Variants in CDH23 observed in about 807,000 individuals in gnomAD.
The protein encoded by CDH23 is cadherin related 23, also known as cadherin-23.
Under a neutral mutation model 317.1 loss-of-function variants are expected in CDH23, and 189 were observed. That is an observed-to-expected ratio of 0.60 (90% CI 0.53 to 0.67). The LOEUF is 0.67. CDH23 is among the 30% of genes least tolerant of loss of function. The pLI, the probability that CDH23 is intolerant of heterozygous loss-of-function variation, is 0.00. For missense variants in CDH23, 4,401 were observed against 4,592.4 expected, an observed-to-expected ratio of 0.96 and a Z score of 1.20; for synonymous variants, 1,839 against 1,876.8, an observed-to-expected ratio of 0.98 and a Z score of 0.52.
intron 9 of CDH23, among the ~76,000 whole-genome samples, chr10:71,597,033 G>A (rs1859896634): frequency 6.6e-6 from 1 of 152,208 alleles, no homozygotes; most frequent in South Asian, 2.1e-4. Context: ...GATTTATGGA[G>A]GTCGCCTCTG....
rs537312998 is a variant in CDH23, at chr10:71,799,342, A to T, written c.7224+62A>T. ...CGCCCATTCCTTGGGGTCTTTGGGCATCTTCCTCTCCCACCCTGCCAGCCT... is the reference window on the plus strand; with the variant it reads ...CGCCCATTCCTTGGGGTCTTTGGGCTTCTTCCTCTCCCACCCTGCCAGCCT... On this transcript the variant is annotated intron_variant, in intron 51 of 69. Coordinates refer to ENST00000224721, the MANE Select transcript of CDH23 (RefSeq NM_022124.6). 41 of 1,609,784 alleles carry T rather than the reference A, an allele frequency of 2.5e-5. No homozygotes were observed. In the East Asian group the frequency reaches 8.7e-4, roughly 34 times the overall value.
chr10:71,796,331 C>T lies in CDH23; in HGVS notation c.6713-773C>T, dbSNP rs538439308. On this transcript the variant is annotated intron_variant, in intron 48 of 69. Transcript: ENST00000224721. ...TCCCCGCCCATGCTTCTGGGGGGTTCCTCTCTGATTTGGGGAGCAGGCAGG... is the reference window on the plus strand; with the variant it reads ...TCCCCGCCCATGCTTCTGGGGGGTTTCTCTCTGATTTGGGGAGCAGGCAGG... Among the ~76,000 whole-genome samples, 5 of 152,272 alleles carry T rather than the reference C, an allele frequency of 3.3e-5. No homozygotes were observed. The South Asian group carries it at 8.3e-4, about 25-fold the overall frequency.
intron 6 of CDH23, among the ~76,000 whole-genome samples, chr10:71,523,663 G>A (rs1854838075): frequency 1.3e-5 from 2 of 152,206 alleles, no homozygotes; most frequent in Admixed American, 1.3e-4. Flanking sequence ...CAGAAGGGAG[G>A]GATGGGGCAG....
chr10:71,610,899 C>T (rs552193343), intron 9 of CDH23, among the ~76,000 whole-genome samples: 6 of 152,244 alleles, frequency 3.9e-5, no homozygotes, highest in East Asian at 1.9e-4. Context: ...AGAATCCTTA[C>T]GGTGGTAAAA....
chr10:71,766,904 G>C (rs1840560277), intron 38 of CDH23, among the ~76,000 whole-genome samples: 1 of 152,176 alleles, frequency 6.6e-6, no homozygotes, highest in African/African-American at 2.4e-5. Context: ...AAAATGAACT[G>C]ACCGTGCATT....
At chr10:71,585,206 G>A (rs923190501) in intron 9 of CDH23, among the ~76,000 whole-genome samples, 1 of 152,188 alleles carries the variant, frequency 6.6e-6, no homozygotes, top group Non-Finnish European at 1.5e-5. Flanking sequence ...GTGGGAAAAG[G>A]AGGAGACAAA....
At chr10:71,583,412 A>C (rs1164436813) in intron 9 of CDH23, among the ~76,000 whole-genome samples, 2 of 151,930 alleles carry the variant, frequency 1.3e-5, no homozygotes, top group African/African-American at 4.8e-5. Flanking sequence ...GCGTTTGGGA[A>C]GCCCACTGTG....
At chr10:71,797,681 G>T (rs928298254) in intron 49 of CDH23, among the ~76,000 whole-genome samples, 1 of 152,192 alleles carries the variant, frequency 6.6e-6, no homozygotes, top group Non-Finnish European at 1.5e-5. Context: ...CACTGCTTTG[G>T]GGGTGCAGGC....
At chr10:71,615,707 C>G in intron 10 of CDH23, 91 bp downstream of exon 10, 1 of 872,616 alleles carries the variant, frequency 1.1e-6, no homozygotes, top group Non-Finnish European at 1.8e-6. Flanking sequence ...CTCCTGCCCC[C>G]GGTGGTGGCG....
chr10:71,538,761 G>A (rs540440538), intron 6 of CDH23, among the ~76,000 whole-genome samples: 1 of 152,268 alleles, frequency 6.6e-6, no homozygotes, highest in East Asian at 1.9e-4. Flanking sequence ...AGTGCATCTG[G>A]GTTCTGAAAG....
At chr10:71,653,529 A>G (rs1334569673) in intron 14 of CDH23, among the ~76,000 whole-genome samples, 38 of 152,224 alleles carry the variant, frequency 2.5e-4, no homozygotes, top group Admixed American at 2.5e-3. Flanking sequence ...AAGCCAGTTC[A>G]CTGCCTGTCT....
intron 11 of CDH23, among the ~76,000 whole-genome samples, chr10:71,626,981 G>A (rs1437863525): frequency 6.6e-6 from 1 of 152,112 alleles, no homozygotes; most frequent in East Asian, 1.9e-4. Flanking sequence ...GCCCCATGCC[G>A]GAAGCCAGGG....
intron 3 of CDH23, among the ~76,000 whole-genome samples, chr10:71,493,807 A>G (rs1265379853): frequency 1.3e-5 from 2 of 152,228 alleles, no homozygotes; most frequent in African/African-American, 4.8e-5. Context: ...ATGATTCGCG[A>G]AATACACTTT....
chr10:71,572,435 A>G (rs772517103), intron 8 of CDH23, among the ~76,000 whole-genome samples: 23 of 152,022 alleles, frequency 1.5e-4, no homozygotes, highest in Admixed American at 3.3e-4. Flanking sequence ...AACTTGCCCC[A>G]CCTCTGCTCC....
At chr10:71,403,408 T>TTTCTTTCTTTCTTTCTCTTC (rs1320188460) in intron 1 of CDH23, among the ~76,000 whole-genome samples, 2 of 57,112 alleles carry the variant, frequency 3.5e-5, no homozygotes, top group East Asian at 5.6e-4. Flanking sequence ...TCTTTCTTTC[T>TTTCTTTCTTTCTTTCTCTTC]CTTCCTTCCT....
At position 71,422,643 on chromosome 10, in the gene CDH23, T is replaced by C. The variant is rs199954453; in HGVS notation, c.-5-17184T>C. ...GTATAAGGAAGAAAAATTGTTGAGG[T>C]GAGGAGCTAGGCCCCCTGGGATCTC... On this transcript the variant is annotated intron_variant, in intron 1 of 69. Coordinates refer to ENST00000224721, the MANE Select transcript of CDH23 (RefSeq NM_022124.6). Among the ~76,000 whole-genome samples, 16 of 152,282 alleles carry C rather than the reference T, an allele frequency of 1.1e-4. No homozygotes were observed. The East Asian group carries it at 2.7e-3, about 26-fold the overall frequency.
chr10:71,511,290 C>T, intron 6 of CDH23, 78 bp downstream of exon 6: 1 of 1,310,256 alleles, frequency 7.6e-7, no homozygotes, highest in South Asian at 1.2e-5. Context: ...GGTGAAGAGT[C>T]AGGTGGGGAG....
intron 47 of CDH23, among the ~76,000 whole-genome samples, chr10:71,791,764 C>T (rs574591693): frequency 8.1e-4 from 123 of 151,942 alleles, no homozygotes; most frequent in African/African-American, 2.5e-3. Context: ...TTAGTAGAGA[C>T]GGGGTTTCAC....
At chr10:71,681,816 G>A (rs1262649928) in intron 17 of CDH23, among the ~76,000 whole-genome samples, 5 of 152,184 alleles carry the variant, frequency 3.3e-5, no homozygotes, top group African/African-American at 1.2e-4. Flanking sequence ...AGAAGGGAGG[G>A]AAGAAGATTA....
Sources: gnomAD v4.1 joint callset for allele counts (sites outside exome capture counted in the v4.1 genomes callset) on GRCh38, gnomAD v4.1.1 for gene constraint, MANE v1.5 for transcripts, NCBI Gene and HGNC (gene_info 2026-07-23, HGNC 2026-07-21) for gene names.